RAD50: variants seen among roughly 807,000 people sequenced by gnomAD.
RAD50 encodes DNA repair protein RAD50.
Under a neutral mutation model 168.8 loss-of-function variants are expected in RAD50, and 132 were observed. The observed-to-expected ratio is 0.78, with a 90% confidence interval of 0.68 to 0.90. The LOEUF (loss-of-function observed/expected upper bound fraction) is 0.90. Among genes scored for constraint, RAD50 ranks in the 40% least tolerant of loss-of-function variants. The probability of loss-of-function intolerance (pLI) is 0.00; values close to 1 mark genes in which losing one functional copy is unlikely to be tolerated. For synonymous variants in RAD50, 525 were observed against 497.4 expected (o/e 1.06, Z -0.74); for missense variants, 1,347 against 1,534.4 (o/e 0.88, Z 2.04).
chr5:132,558,805 T>A lies in RAD50; in HGVS notation c.130-479T>A, dbSNP rs375927344. ...TCCGAGCCGTTTGGGAGGCTGAGGC[T>A]GGGGGATTGCTTGAGCCCAGGAGGT... On this transcript the variant is annotated intron_variant, in intron 1 of 24. Transcript: ENST00000378823. Among the ~76,000 whole-genome samples the A allele has an allele frequency of 3.2e-4, 47 of 147,376 alleles. No homozygotes were observed. The East Asian group carries it at 8.7e-3, about 27-fold the overall frequency.
chr5:132,587,199 C>G (rs949983373), intron 5 of RAD50, among the ~76,000 whole-genome samples: 1 of 152,184 alleles, frequency 6.6e-6, no homozygotes, highest in Non-Finnish European at 1.5e-5. Flanking sequence ...GAATTTCTAG[C>G]CTTCTCAGTA....
At position 132,643,607 on chromosome 5, in the gene RAD50, A is replaced by T. The variant is rs1488074888; in HGVS notation, c.*1243A>T. On this transcript the variant is annotated 3_prime_UTR_variant, in exon 25 of 25. Transcript: ENST00000378823. ...TAGGTTAAATGGTTGGCCCCCAAAG[A>T]TAGACAGGTCCTGATTTCTAGAACC... is the stretch of plus-strand genomic sequence containing the variant. The T allele has an allele frequency of 9.0e-6, 2 of 223,362 alleles. No individual in the cohort carries two copies. The highest frequency in any genetic ancestry group is 1.8e-5 in the Non-Finnish European group (2 of 111,796). The allele number at this position is 223,362 out of a possible 1,614,324, so 13.8% of individuals were successfully genotyped here.
chr5:132,565,295 T>G (rs1205142526), intron 2 of RAD50, among the ~76,000 whole-genome samples: 3 of 151,736 alleles, frequency 2.0e-5, no homozygotes, highest in Admixed American at 2.0e-4. Context: ...GTTTCAGGTT[T>G]TTTTTTTATA....
chr5:132,560,426 A>G lies in RAD50; in HGVS notation c.213+1059A>G, dbSNP rs57241516. ...TATGAATTTTCCTCTTAGAAATGTA[A>G]TAGTATTTAGTACATTTACTGAGTC... On this transcript the variant is annotated intron_variant, in intron 2 of 24. Coordinates refer to ENST00000378823, the MANE Select transcript of RAD50 (RefSeq NM_005732.4). Among the ~76,000 whole-genome samples, 1,034 of 152,240 alleles carry G rather than the reference A, an allele frequency of 6.8e-3. 15 individuals are homozygous for G. Among genetic ancestry groups the G allele is most frequent in the African/African-American group, 0.023 (961 of 41,526 alleles).
rs759906496 is a variant in RAD50, at chr5:132,559,364, C to T, written c.210C>T (p.Pro70=). 1 of 1,607,766 alleles carries T rather than the reference C, an allele frequency of 6.2e-7. No homozygotes were observed. Residue 70 remains proline (P), a synonymous_variant, in exon 2 of 25, where the codon CCC becomes CCT. Coordinates refer to ENST00000378823, the MANE Select transcript of RAD50 (RefSeq NM_005732.4). ...GTKGNTFVHD[P]KVAQETDVRA... is the part of the protein sequence containing the mutation. Reference sequence around the variant, plus strand: ...AAGGAAATACATTTGTACACGATCCCAAGGTAATGGTGCTAGTACAATTTT... The same window carrying T: ...AAGGAAATACATTTGTACACGATCCTAAGGTAATGGTGCTAGTACAATTTT...
At position 132,604,911 on chromosome 5, in the gene RAD50, T is replaced by TA. The variant is rs754001866; in HGVS notation, c.2631dup (p.Ser878IlefsTer3). The TA allele has an allele frequency of 6.2e-7, 1 of 1,613,878 alleles. No individual in the cohort carries two copies. The highest frequency in any genetic ancestry group is 1.1e-5 in the South Asian group (1 of 91,074). The stretch of plus-strand genomic sequence containing the variant: ...GAGCTAAAATCTGAGAAACTTCAGA[T>TA]ATCCACTAATTTGCAACGTCGTCAG... On this transcript the variant is annotated frameshift_variant, in exon 16 of 25. Transcript: ENST00000378823. LOFTEE classifies it high-confidence loss of function.
intron 22 of RAD50, among the ~76,000 whole-genome samples, chr5:132,637,810 G>A (rs768742582): frequency 3.9e-5 from 6 of 152,124 alleles, no homozygotes; most frequent in Non-Finnish European, 8.8e-5. Flanking sequence ...GGGTTTACAG[G>A]CGTGAGCCAC....
At chr5:132,593,813 T>G (rs1038060485) in intron 11 of RAD50, among the ~76,000 whole-genome samples, 6 of 152,192 alleles carry the variant, frequency 3.9e-5, no homozygotes, top group African/African-American at 1.2e-4. Context: ...TACAATTAGA[T>G]TCCTGGGAAG....
intron 20 of RAD50, 124 bp from the exon 21 acceptor site, chr5:132,617,946 G>C (rs1238868603): frequency 2.4e-6 from 2 of 848,368 alleles, no homozygotes; most frequent in East Asian, 4.9e-5. Flanking sequence ...GAGAGACTCT[G>C]TTATAATATA....
chr5:132,618,307 CTG>C lies in RAD50; in HGVS notation c.3389+14_3389+15del. 6.2e-7 allele frequency: 1 copy of C among 1,613,554 alleles called. No individual in the cohort carries two copies. Among genetic ancestry groups the C allele is most frequent in the Non-Finnish European group, 8.5e-7 (1 of 1,179,880 alleles). ...AGACTCTTGACCAGTAAGTATTAGA[CTG>C]GGGATTTTCTTATTGCAGTTAATAT... On this transcript the variant is annotated intron_variant, in intron 21 of 24. Transcript: ENST00000378823.
chr5:132,617,759 A>G (rs542005164), intron 20 of RAD50, among the ~76,000 whole-genome samples: 1 of 152,198 alleles, frequency 6.6e-6, no homozygotes, highest in African/African-American at 2.4e-5. Context: ...TGAATTTGTA[A>G]TATTAATCAC....
intron 2 of RAD50, among the ~76,000 whole-genome samples, chr5:132,569,669 G>A (rs926254609): frequency 2.0e-5 from 3 of 152,190 alleles, no homozygotes; most frequent in Non-Finnish European, 4.4e-5. Context: ...TTGAACGATA[G>A]CAGAATACAC....
At chr5:132,629,937 T>G (rs1751434006) in intron 21 of RAD50, among the ~76,000 whole-genome samples, 1 of 152,226 alleles carries the variant, frequency 6.6e-6, no homozygotes. Flanking sequence ...TATACCAATT[T>G]AAATGATGTT....
intron 3 of RAD50, among the ~76,000 whole-genome samples, chr5:132,578,207 T>TA (rs1561635341): frequency 6.6e-6 from 1 of 152,178 alleles, no homozygotes; most frequent in African/African-American, 2.4e-5. Context: ...CCTCCCCCCT[T>TA]AAAAAACCTC....
chr5:132,594,745 T>G lies in RAD50; in HGVS notation c.1794-124T>G. ...TAGTCCCTCAACTTCTGAAAAAAAT[T>G]ATTTGGTCATACCAAACTCTTGTCA... On this transcript the variant is annotated intron_variant, in intron 11 of 24. Coordinates refer to ENST00000378823, the MANE Select transcript of RAD50 (RefSeq NM_005732.4). 4 of 995,954 alleles carry G rather than the reference T, an allele frequency of 4.0e-6. No individual in the cohort carries two copies. In the South Asian group the frequency reaches 4.3e-5, roughly 11 times the overall value. The allele number at this position is 995,954 out of a possible 1,614,324, so 61.7% of individuals were successfully genotyped here.
intron 19 of RAD50, among the ~76,000 whole-genome samples, chr5:132,611,731 T>G (rs115668177): frequency 0.026 from 3,396 of 130,062 alleles, 65 homozygotes; most frequent in Middle Eastern, 0.053. Flanking sequence ...AAAAAAAAAG[T>G]CACAATTAGT....
In RAD50 at chr5:132,642,212, C is replaced by T. The variant is rs876659654; in HGVS notation, c.3787C>T (p.Gln1263Ter). ...IKSRSQQRNF[Q>*]LLVITHDEDF... ...AAGTCGCTCACAGCAGCGTAACTTCCAGCTTCTGGTAATCACTCATGATGA... is the reference window on the plus strand; with the variant it reads ...AAGTCGCTCACAGCAGCGTAACTTCTAGCTTCTGGTAATCACTCATGATGA... Residue 1263 changes from glutamine (Q) to a stop codon, truncating the protein, a stop_gained, in exon 25 of 25, where the codon CAG becomes TAG. Coordinates refer to ENST00000378823, the MANE Select transcript of RAD50 (RefSeq NM_005732.4). LOFTEE classifies it high-confidence loss of function. 1.9e-6 allele frequency: 3 copies of T among 1,614,204 alleles called. No individual in the cohort carries two copies. Among genetic ancestry groups the T allele is most frequent in the Non-Finnish European group, 2.5e-6 (3 of 1,180,032 alleles).
At chr5:132,585,168 T>G (rs975611313) in intron 5 of RAD50, among the ~76,000 whole-genome samples, 1 of 152,140 alleles carries the variant, frequency 6.6e-6, no homozygotes. Flanking sequence ...TGTATACAGG[T>G]CTTTGGATAA....
intron 13 of RAD50, among the ~76,000 whole-genome samples, chr5:132,597,473 C>T (rs1485455019): frequency 1.3e-5 from 2 of 152,120 alleles, no homozygotes; most frequent in African/African-American, 4.8e-5. Context: ...GCTCACTCTC[C>T]CCCACTCCTC....
Sources: allele counts gnomAD v4.1 joint callset (sites outside exome capture counted in the v4.1 genomes callset), GRCh38; gene constraint gnomAD v4.1.1; transcripts MANE v1.5; gene names NCBI Gene and HGNC (gene_info 2026-07-23, HGNC 2026-07-21).